The following OSBPL10 variants were observed in gnomAD, a reference collection of about 807,000 sequenced individuals.
OSBPL10 encodes oxysterol-binding protein-related protein 10.
Under a neutral mutation model 81.7 loss-of-function variants are expected in OSBPL10, and 49 were observed. That is an observed-to-expected ratio of 0.60 (90% CI 0.48 to 0.76). The LOEUF (loss-of-function observed/expected upper bound fraction) is 0.76. Among genes scored for constraint, OSBPL10 ranks in the 30% least tolerant of loss-of-function variants. OSBPL10 has a pLI of 0.00. For missense variants in OSBPL10, 923 were observed against 987.8 expected, an observed-to-expected ratio of 0.93 and a Z score of 0.88; for synonymous variants, 419 against 383.6, an observed-to-expected ratio of 1.09 and a Z score of -1.08.
chr3:31,851,452 C>T (rs541126468), intron 3 of OSBPL10, among the ~76,000 whole-genome samples: 1 of 152,162 alleles, frequency 6.6e-6, no homozygotes, highest in Non-Finnish European at 1.5e-5. Context: ...CTGCCCACAG[C>T]GGGATGAGGG....
At chr3:32,076,643 G>A (rs574721411) in intron 1 of OSBPL10, among the ~76,000 whole-genome samples, 1 of 152,240 alleles carries the variant, frequency 6.6e-6, no homozygotes, top group African/African-American at 2.4e-5. Context: ...AATAAAGAAA[G>A]AGTATTTCAC....
At chr3:31,905,108 G>T (rs1195028852) in intron 1 of OSBPL10, among the ~76,000 whole-genome samples, 1 of 152,122 alleles carries the variant, frequency 6.6e-6, no homozygotes, top group African/African-American at 2.4e-5. Flanking sequence ...AGTATAATAT[G>T]TCTGTCAAAT....
intron 3 of OSBPL10, among the ~76,000 whole-genome samples, chr3:31,860,871 G>GGT (rs1559495657): frequency 1.2e-3 from 162 of 136,562 alleles, no homozygotes; most frequent in Non-Finnish European, 6.2e-4. Flanking sequence ...TTTTTTTTGG[G>GGT]TTTTTTTTTT....
intron 1 of OSBPL10, among the ~76,000 whole-genome samples, chr3:31,916,988 G>T (rs758576067): frequency 3.3e-5 from 5 of 152,116 alleles, no homozygotes; most frequent in South Asian, 2.1e-4. Context: ...TCAAAAAATC[G>T]ATTTCAAGCC....
intron 4 of OSBPL10, among the ~76,000 whole-genome samples, chr3:31,782,855 TA>T (rs1398828040): frequency 6.6e-6 from 1 of 152,052 alleles, no homozygotes; most frequent in Admixed American, 6.6e-5. Flanking sequence ...TCAACTAGCG[TA>T]ACCATTATGG....
intron 4 of OSBPL10, among the ~76,000 whole-genome samples, chr3:31,786,304 A>G (rs1458384913): frequency 6.6e-6 from 1 of 152,120 alleles, no homozygotes; most frequent in Non-Finnish European, 1.5e-5. Flanking sequence ...TCAAATTTAT[A>G]CTTCTCTTTT....
At chr3:31,789,403 A>C (rs1019793605) in intron 4 of OSBPL10, among the ~76,000 whole-genome samples, 24 of 152,322 alleles carry the variant, frequency 1.6e-4, no homozygotes, top group Non-Finnish European at 2.9e-4. Flanking sequence ...AGAGTAGTCT[A>C]GTCAGCCTTT....
Position 31,928,130 on chromosome 3 carries a change from G to A in OSBPL10, c.282-48300C>T, listed in dbSNP as rs146276459. Among the ~76,000 whole-genome samples the A allele has an allele frequency of 2.7e-3, 418 of 152,160 alleles. 5 individuals carry two copies. The highest frequency in any genetic ancestry group is 9.6e-3 in the African/African-American group (397 of 41,516). The stretch of plus-strand genomic sequence containing the variant: ...CAACAATTACTTTCTACTCCTAAAG[G>A]ACAAATACCTTTAAGAAAAATAATG... On this transcript the variant is annotated intron_variant, in intron 1 of 11. Transcript: ENST00000396556.
chr3:31,776,931 T>C (rs1398639728), intron 4 of OSBPL10, among the ~76,000 whole-genome samples: 1 of 152,194 alleles, frequency 6.6e-6, no homozygotes, highest in Non-Finnish European at 1.5e-5. Context: ...AAATGGTTAA[T>C]ATTTTAGGGA....
chr3:31,723,651 C>A (rs1696726013), intron 6 of OSBPL10, among the ~76,000 whole-genome samples: 1 of 152,016 alleles, frequency 6.6e-6, no homozygotes, highest in Non-Finnish European at 1.5e-5. Flanking sequence ...ACACAGTAAG[C>A]CCCTGCAATG....
chr3:31,945,745 C>G (rs1697681954), intron 1 of OSBPL10, among the ~76,000 whole-genome samples: 1 of 152,170 alleles, frequency 6.6e-6, no homozygotes, highest in African/African-American at 2.4e-5. Flanking sequence ...GGGGTTTATA[C>G]TGCTTTTCTG....
At chr3:31,980,855 A>G (rs1698818271) in intron 1 of OSBPL10, 44 bp downstream of exon 1, 2 of 1,520,066 alleles carry the variant, frequency 1.3e-6, no homozygotes, top group East Asian at 5.3e-5. Flanking sequence ...ACACACACAC[A>G]CACACACAGC....
At chr3:31,806,504 T>C (rs557539401) in intron 4 of OSBPL10, among the ~76,000 whole-genome samples, 13 of 152,360 alleles carry the variant, frequency 8.5e-5, no homozygotes, top group Admixed American at 5.9e-4. Context: ...GGGTCATTCC[T>C]TCTTTTGATA....
intron 1 of OSBPL10, among the ~76,000 whole-genome samples, chr3:31,881,176 G>A (rs1017034346): frequency 3.9e-5 from 6 of 152,192 alleles, no homozygotes; most frequent in Middle Eastern, 6.8e-3. Flanking sequence ...TTCAATGACT[G>A]GTTTCCCCAC....
At chr3:32,032,917 A>C (rs1299407577) in intron 2 of OSBPL10, among the ~76,000 whole-genome samples, 1 of 152,252 alleles carries the variant, frequency 6.6e-6, no homozygotes, top group Non-Finnish European at 1.5e-5. Context: ...AGGACCATTG[A>C]AAGAAAATTC....
chr3:31,680,252 C>CCAT (rs1700606688), intron 8 of OSBPL10, among the ~76,000 whole-genome samples: 1 of 152,184 alleles, frequency 6.6e-6, no homozygotes, highest in Non-Finnish European at 1.5e-5. Flanking sequence ...CTGGCTGTGT[C>CCAT]CATATAGGGC....
At chr3:32,040,113 A>T (rs747368296) in intron 2 of OSBPL10, among the ~76,000 whole-genome samples, 3 of 152,184 alleles carry the variant, frequency 2.0e-5, no homozygotes, top group Non-Finnish European at 2.9e-5. Context: ...TACTCAGAGA[A>T]TTGAAAACAG....
At chr3:31,957,488 A>G (rs1317573803) in intron 1 of OSBPL10, among the ~76,000 whole-genome samples, 3 of 152,244 alleles carry the variant, frequency 2.0e-5, no homozygotes, top group Non-Finnish European at 2.9e-5. Flanking sequence ...ACTGTGGCTT[A>G]TAACTTATTC....
chr3:31,888,100 A>G (rs1323676017), intron 1 of OSBPL10, among the ~76,000 whole-genome samples: 1 of 152,238 alleles, frequency 6.6e-6, no homozygotes, highest in East Asian at 1.9e-4. Flanking sequence ...TATCCAAAAC[A>G]GCATGGTACT....
Sources: allele counts gnomAD v4.1 joint callset (sites outside exome capture counted in the v4.1 genomes callset), GRCh38; gene constraint gnomAD v4.1.1; transcripts MANE v1.5; gene names NCBI Gene and HGNC (gene_info 2026-07-23, HGNC 2026-07-21).